The following KIAA0513 variants were observed in gnomAD, a reference collection of about 807,000 sequenced individuals.
The protein encoded by KIAA0513 is KIAA0513.
Under a neutral mutation model 56.5 loss-of-function variants are expected in KIAA0513, and 39 were observed. That is an observed-to-expected ratio of 0.69 (90% CI 0.53 to 0.90). KIAA0513 has a LOEUF of 0.90. Among genes scored for constraint, KIAA0513 ranks in the 40% least tolerant of loss-of-function variants. The pLI is 0.00. For synonymous variants in KIAA0513, 268 were observed against 215.6 expected (o/e 1.24, Z -2.13); for missense variants, 591 against 535.2 (o/e 1.10, Z -1.03).
rs1329529800 is a variant in KIAA0513, at chr16:85,036,125, G to A, written c.-173+8267G>A. Among the ~76,000 whole-genome samples the A allele has an allele frequency of 2.6e-5, 4 of 152,126 alleles. 1 individual carries two copies. The highest frequency in any genetic ancestry group is 2.6e-4 in the Admixed American group (4 of 15,272). ...CCACCACACCTGGCCTGCTTAGAGT[G>A]TTTAAACAGCCTTCTTTCCTCCTTC... On this transcript the variant is annotated intron_variant, in intron 1 of 12. Coordinates refer to ENST00000683363, the MANE Select transcript of KIAA0513 (RefSeq NM_001388359.1).
At chr16:85,048,461 A>G (rs2073201948) in intron 1 of KIAA0513, among the ~76,000 whole-genome samples, 2 of 152,198 alleles carry the variant, frequency 1.3e-5, no homozygotes, top group Non-Finnish European at 2.9e-5. Flanking sequence ...TGGGCTTGAT[A>G]AAGAATTTAG....
At chr16:85,077,713 A>G (rs975530233) in intron 6 of KIAA0513, 81 bp downstream of exon 6, 23 of 1,051,392 alleles carry the variant, frequency 2.2e-5, no homozygotes, top group Admixed American at 1.5e-4. Flanking sequence ...GGCAGCAGGG[A>G]GGGTGCGGGT....
intron 1 of KIAA0513, among the ~76,000 whole-genome samples, chr16:85,058,370 T>G (rs568457991): frequency 3.8e-4 from 58 of 152,272 alleles, no homozygotes; most frequent in Admixed American, 1.3e-3. Context: ...AATGCCTGTT[T>G]TGGCCGGACG....
intron 1 of KIAA0513, among the ~76,000 whole-genome samples, chr16:85,028,812 A>G (rs1240478090): frequency 1.3e-5 from 2 of 152,156 alleles, no homozygotes; most frequent in East Asian, 3.8e-4. Context: ...GGCACAGGTG[A>G]GGCGCCCCTG....
intron 1 of KIAA0513, among the ~76,000 whole-genome samples, chr16:85,055,661 C>T (rs1374085164): frequency 6.6e-6 from 1 of 152,162 alleles, no homozygotes; most frequent in Non-Finnish European, 1.5e-5. Context: ...TTTCTAGACA[C>T]CTACTGACAT....
intron 1 of KIAA0513, among the ~76,000 whole-genome samples, chr16:85,053,246 C>G (rs552693703): frequency 6.6e-6 from 1 of 152,278 alleles, no homozygotes; most frequent in East Asian, 1.9e-4. Flanking sequence ...AAGGCAGACA[C>G]CATGTTGTTT....
intron 1 of KIAA0513, among the ~76,000 whole-genome samples, chr16:85,037,491 G>C (rs2073050618): frequency 6.6e-6 from 1 of 152,162 alleles, no homozygotes; most frequent in Non-Finnish European, 1.5e-5. Flanking sequence ...AAAAGAATGA[G>C]ATGAGACGAA....
chr16:85,067,052 A>C lies in KIAA0513; in HGVS notation c.-20A>C, dbSNP rs1465189165. 2.0e-6 allele frequency: 3 copies of C among 1,526,352 alleles called. No homozygotes were observed. Among genetic ancestry groups the C allele is most frequent in the Non-Finnish European group, 2.6e-6 (3 of 1,137,704 alleles). The allele number at this position is 1,526,352 out of a possible 1,614,324, so 94.6% of individuals were successfully genotyped here. Reference sequence around the variant, plus strand: ...GGCAGCCTCCCCTCCAGGCAGCCTCACCAGCAGCTCCCCTGAGCCATGGAG... The same window carrying C: ...GGCAGCCTCCCCTCCAGGCAGCCTCCCCAGCAGCTCCCCTGAGCCATGGAG... On this transcript the variant is annotated 5_prime_UTR_variant, in exon 2 of 13. Coordinates refer to ENST00000683363, the MANE Select transcript of KIAA0513 (RefSeq NM_001388359.1).
chr16:85,032,156 C>T (rs767231642), intron 1 of KIAA0513, among the ~76,000 whole-genome samples: 10 of 152,186 alleles, frequency 6.6e-5, no homozygotes, highest in Non-Finnish European at 1.2e-4. Flanking sequence ...TACTGGTGGC[C>T]GGTGATCCGT....
chr16:85,035,298 C>T (rs2143841325), intron 1 of KIAA0513, among the ~76,000 whole-genome samples: 1 of 152,312 alleles, frequency 6.6e-6, no homozygotes, highest in East Asian at 1.9e-4. Context: ...CCAGGCCTAG[C>T]CCAGTGCTCA....
intron 1 of KIAA0513, among the ~76,000 whole-genome samples, chr16:85,049,606 T>A (rs1231637287): frequency 6.6e-6 from 1 of 152,170 alleles, no homozygotes; most frequent in Non-Finnish European, 1.5e-5. Flanking sequence ...CCTCATTCTC[T>A]CTCTTGCTCC....
intron 10 of KIAA0513, among the ~76,000 whole-genome samples, chr16:85,085,028 G>T (rs1182756907): frequency 6.6e-6 from 1 of 152,244 alleles, no homozygotes; most frequent in East Asian, 1.9e-4. Context: ...GGAGGGGTCA[G>T]GGCTGCTGTG....
At chr16:85,049,426 G>A (rs74033925) in intron 1 of KIAA0513, among the ~76,000 whole-genome samples, 10 of 152,092 alleles carry the variant, frequency 6.6e-5, no homozygotes, top group African/African-American at 1.9e-4. Context: ...TTGGTTCTGC[G>A]TCCCCACCCA....
chr16:85,084,251 T>A (rs1351032022), intron 10 of KIAA0513, among the ~76,000 whole-genome samples: 1 of 48,990 alleles, frequency 2.0e-5, no homozygotes, highest in Non-Finnish European at 4.4e-5. Context: ...TTTCTTTTTC[T>A]TTTTTTTTTT....
In KIAA0513 at chr16:85,067,010, T is replaced by G. The variant is rs2073491927; in HGVS notation, c.-62T>G. ...TACTAACGCACCTGGGACACCAGGCTGCTGGGCTCCCCTCTAGGCAGCCTC... is the reference window on the plus strand; with the variant it reads ...TACTAACGCACCTGGGACACCAGGCGGCTGGGCTCCCCTCTAGGCAGCCTC... On this transcript the variant is annotated 5_prime_UTR_variant, in exon 2 of 13. Coordinates refer to ENST00000683363, the MANE Select transcript of KIAA0513 (RefSeq NM_001388359.1). 14 of 1,435,436 alleles carry G rather than the reference T, an allele frequency of 9.8e-6. No individual in the cohort carries two copies. Among genetic ancestry groups the G allele is most frequent in the South Asian group, 9.6e-5 (7 of 73,170 alleles). The allele number at this position is 1,435,436 out of a possible 1,614,324, so 88.9% of individuals were successfully genotyped here. A position where few individuals can be genotyped will look rare whatever the true frequency, so the allele number is the denominator to read the frequency against.
intron 1 of KIAA0513, among the ~76,000 whole-genome samples, chr16:85,034,716 G>T (rs771350550): frequency 6.6e-6 from 1 of 152,200 alleles, no homozygotes; most frequent in Non-Finnish European, 1.5e-5. Context: ...TGTGTGCCCA[G>T]TGCCTTATGG....
chr16:85,067,357 A>G lies in KIAA0513; in HGVS notation c.286A>G (p.Arg96Gly). 6.2e-7 allele frequency: 1 copy of G among 1,609,186 alleles called. No homozygotes were observed. The part of the protein sequence containing the change: ...STQDEETLAL[R>G]DFMRGYVEKI... The stretch of plus-strand genomic sequence containing the variant: ...CCAGGATGAAGAGACCCTGGCACTC[A>G]GGGACTTCATGCGTGGCTACGTGGA... The change falls in exon 2 of 13, where the codon AGG becomes GGG. Residue 96 changes from arginine to glycine, a missense_variant. Transcript: ENST00000683363.
At chr16:85,055,574 G>A (rs1463605683) in intron 1 of KIAA0513, among the ~76,000 whole-genome samples, 1 of 152,168 alleles carries the variant, frequency 6.6e-6, no homozygotes, top group East Asian at 1.9e-4. Flanking sequence ...GCAGGGCTTA[G>A]TCTGGCACCA....
chr16:85,032,729 C>G (rs1290111111), intron 1 of KIAA0513, among the ~76,000 whole-genome samples: 2 of 151,738 alleles, frequency 1.3e-5, no homozygotes, highest in Non-Finnish European at 2.9e-5. Context: ...CTCCCGGGTT[C>G]ACACCATCCT....
Sources: allele counts gnomAD v4.1 joint callset (sites outside exome capture counted in the v4.1 genomes callset), GRCh38; gene constraint gnomAD v4.1.1; transcripts MANE v1.5; gene names NCBI Gene and HGNC (gene_info 2026-07-23, HGNC 2026-07-21).